Variants in ZZZ3 observed in about 807,000 individuals in gnomAD.
ZZZ3 encodes the protein ZZ-type zinc finger-containing protein 3.
ZZZ3 carries 22 observed loss-of-function variants against 95.2 expected under a neutral mutation model. The observed-to-expected ratio is 0.23, with a 90% CI of 0.17 to 0.33. ZZZ3 has a LOEUF of 0.33. Ranked by LOEUF, ZZZ3 falls within the 10% of genes least tolerant of loss-of-function variation. The pLI is 1.00. For synonymous variants in ZZZ3, 335 were observed against 358.9 expected, an observed-to-expected ratio of 0.93 and a Z score of 0.75; for missense variants, 885 against 1,066.5, an observed-to-expected ratio of 0.83 and a Z score of 2.37.
intron 1 of ZZZ3, among the ~76,000 whole-genome samples, chr1:77,668,966 G>A (rs1432342902): frequency 6.7e-6 from 1 of 150,154 alleles, no homozygotes; most frequent in East Asian, 2.0e-4. Context: ...ACCAAAAACT[G>A]TATCAAACTA....
intron 12 of ZZZ3, among the ~76,000 whole-genome samples, chr1:77,569,675 C>T (rs1220321359): frequency 6.6e-6 from 1 of 152,154 alleles, no homozygotes; most frequent in African/African-American, 2.4e-5. Flanking sequence ...ACAGCCATAC[C>T]TTGGACCTTG....
chr1:77,656,355 G>C (rs1341209581), intron 1 of ZZZ3, among the ~76,000 whole-genome samples: 1 of 152,024 alleles, frequency 6.6e-6, no homozygotes, highest in East Asian at 1.9e-4. Flanking sequence ...CCAGTGACAG[G>C]TAATAAATAA....
chr1:77,645,158 C>T (rs532338116), intron 1 of ZZZ3, among the ~76,000 whole-genome samples: 173 of 152,248 alleles, frequency 1.1e-3, no homozygotes, highest in African/African-American at 4.0e-3. Context: ...GAGTTCAAGG[C>T]TACAAGCTAC....
chr1:77,653,953 C>T (rs891962019), intron 1 of ZZZ3, among the ~76,000 whole-genome samples: 4 of 152,002 alleles, frequency 2.6e-5, no homozygotes, highest in Non-Finnish European at 1.5e-5. Context: ...CTTTGGGAGG[C>T]CAAGGCGGGT....
chr1:77,591,822 T>C (rs977531221), intron 5 of ZZZ3, among the ~76,000 whole-genome samples: 69 of 152,308 alleles, frequency 4.5e-4, no homozygotes, highest in African/African-American at 1.6e-3. Flanking sequence ...CAGGTACTTG[T>C]TTATTTCAGA....
rs1172537950 is a variant in ZZZ3, at chr1:77,581,114, CT to C, written c.1909-46del. 8.8e-6 allele frequency: 13 copies of C among 1,485,576 alleles called. No individual in the cohort carries two copies. The African/African-American group carries it at 1.2e-4, about 14-fold the overall frequency. The allele number at this position is 1,485,576 out of a possible 1,614,324, so 92.0% of individuals were successfully genotyped here. A position where few individuals can be genotyped will look rare whatever the true frequency, so the allele number is the denominator to read the frequency against. The stretch of plus-strand genomic sequence containing the variant: ...TTTGTCAGAGAGAAAATAACAACAC[CT>C]ATCCTTTGATATAGCCAAATAACAC... On this transcript the variant is annotated intron_variant, in intron 8 of 14. Coordinates refer to ENST00000370801, the MANE Select transcript of ZZZ3 (RefSeq NM_015534.6).
At chr1:77,602,285 A>G (rs1283175196) in intron 5 of ZZZ3, among the ~76,000 whole-genome samples, 7 of 152,228 alleles carry the variant, frequency 4.6e-5, no homozygotes, top group African/African-American at 1.7e-4. Flanking sequence ...GTAAGGGGAA[A>G]TACAGAAAAG....
intron 1 of ZZZ3, among the ~76,000 whole-genome samples, chr1:77,679,070 G>A (rs1433991786): frequency 6.6e-6 from 1 of 152,126 alleles, no homozygotes; most frequent in Non-Finnish European, 1.5e-5. Context: ...AAGAAAAACA[G>A]AAAGGTGAGA....
intron 5 of ZZZ3, among the ~76,000 whole-genome samples, chr1:77,622,652 A>C (rs940194103): frequency 1.3e-5 from 2 of 152,176 alleles, no homozygotes; most frequent in Admixed American, 1.3e-4. Context: ...AAACCTAGTA[A>C]AAAAGTTTCA....
intron 1 of ZZZ3, among the ~76,000 whole-genome samples, chr1:77,665,850 T>C (rs568678685): frequency 6.6e-6 from 1 of 151,140 alleles, no homozygotes; most frequent in African/African-American, 2.4e-5. Flanking sequence ...AAGACCAGCC[T>C]GGCCAACATG....
At chr1:77,625,856 G>A (rs147830969) in intron 5 of ZZZ3, among the ~76,000 whole-genome samples, 7 of 151,660 alleles carry the variant, frequency 4.6e-5, no homozygotes, top group Admixed American at 6.6e-5. Context: ...AAAACTAGCC[G>A]GGTGTGGTGG....
At chr1:77,582,693 G>C (rs1480167050) in intron 6 of ZZZ3, among the ~76,000 whole-genome samples, 1 of 145,464 alleles carries the variant, frequency 6.9e-6, no homozygotes, top group Non-Finnish European at 1.5e-5. Flanking sequence ...TTAAGTCCCA[G>C]ACACTGATAA....
chr1:77,627,407 T>C (rs917094666), intron 5 of ZZZ3, among the ~76,000 whole-genome samples: 1 of 152,170 alleles, frequency 6.6e-6, no homozygotes, highest in Non-Finnish European at 1.5e-5. Context: ...AGCAAGATCC[T>C]GGAGTTTTTC....
chr1:77,574,189 T>C (rs976778736), intron 12 of ZZZ3, among the ~76,000 whole-genome samples: 1 of 147,842 alleles, frequency 6.8e-6, no homozygotes, highest in Admixed American at 6.7e-5. Flanking sequence ...TATATAGATA[T>C]ATCTATATAT....
intron 1 of ZZZ3, among the ~76,000 whole-genome samples, chr1:77,648,481 G>A (rs531455389): frequency 6.6e-6 from 1 of 151,928 alleles, no homozygotes; most frequent in East Asian, 1.9e-4. Flanking sequence ...TATAACTGTA[G>A]TTCTTATGTT....
chr1:77,581,809 A>G lies in ZZZ3; in HGVS notation c.1875T>C (p.Ser625=). 1 of 1,613,908 alleles carries G rather than the reference A, an allele frequency of 6.2e-7. No individual in the cohort carries two copies. Among genetic ancestry groups the G allele is most frequent in the Non-Finnish European group, 8.5e-7 (1 of 1,179,896 alleles). The change falls in exon 8 of 15, where the codon AGT becomes AGC. Residue 625 remains serine, a synonymous_variant. Coordinates refer to ENST00000370801, the MANE Select transcript of ZZZ3 (RefSeq NM_015534.6). ...ESLSYSMLPL[S]DGPEGSSSRP... The stretch of plus-strand genomic sequence containing the variant: ...GACTGCTTGAGCCTTCTGGACCATC[A>G]CTCAAAGGCAACATAGAATATGAAA...
rs1667858348 is a variant in ZZZ3 at position 77,632,066 on chromosome 1, G to C, written c.1289C>G (p.Pro430Arg). 1 of 1,613,934 alleles carries C rather than the reference G, an allele frequency of 6.2e-7. No individual in the cohort carries two copies. Among genetic ancestry groups the C allele is most frequent in the Non-Finnish European group, 8.5e-7 (1 of 1,179,986 alleles). The change falls in exon 5 of 15, where the codon CCT becomes CGT. Residue 430 changes from proline to arginine, a missense_variant. Coordinates refer to ENST00000370801, the MANE Select transcript of ZZZ3 (RefSeq NM_015534.6). ...TTTTTCATTTTGAGAAATTTCACCA[G>C]GATTTGTAGGAGATTGACTTACATT... ...SDNVSQSPTN[P>R]GEISQNEKGI...
rs1006536327 is a variant in ZZZ3 at position 77,632,660 on chromosome 1, T to C, written c.695A>G (p.Tyr232Cys). The C allele has an allele frequency of 5.6e-6, 9 of 1,614,192 alleles. No homozygotes were observed. The highest frequency in any genetic ancestry group is 7.6e-6 in the Non-Finnish European group (9 of 1,180,034). ...GNTKQNSIGS[Y>C]VLQEKSVAEN... Reference sequence around the variant, plus strand: ...AGCTACTGATTTTTCCTGTAACACATAGGAACCAATGCTATTTTGTTTAGT... The same window carrying C: ...AGCTACTGATTTTTCCTGTAACACACAGGAACCAATGCTATTTTGTTTAGT... The change falls in exon 5 of 15, where the codon TAT becomes TGT. Residue 232 changes from tyrosine to cysteine, a missense_variant. Tyr to Cys is a radical substitution (Grantham distance 194). Coordinates refer to ENST00000370801, the MANE Select transcript of ZZZ3 (RefSeq NM_015534.6).
At chr1:77,679,080 A>G (rs1672517748) in intron 1 of ZZZ3, among the ~76,000 whole-genome samples, 1 of 152,206 alleles carries the variant, frequency 6.6e-6, no homozygotes. Context: ...GAAAGGTGAG[A>G]ACGAAAGGGT....
Sources: gnomAD v4.1 joint callset for allele counts (sites outside exome capture counted in the v4.1 genomes callset) on GRCh38, gnomAD v4.1.1 for gene constraint, MANE v1.5 for transcripts, NCBI Gene and HGNC (gene_info 2026-07-23, HGNC 2026-07-21) for gene names.